The following CLDN14 variants were observed in gnomAD, a reference collection of about 807,000 sequenced individuals.
The protein encoded by CLDN14 is claudin 14, also known as claudin-14.
CLDN14 carries 2 observed loss-of-function variants against 2.1 expected under a neutral mutation model. The ratio of observed to expected loss-of-function variants is 0.96; its 90% CI spans 0.39 to 3.01. The LOEUF (loss-of-function observed/expected upper bound fraction) is 3.01. Ranked by LOEUF, CLDN14 falls within the 30% of genes most tolerant of loss-of-function variation. The pLI is 0.09. For missense variants in CLDN14, 298 were observed against 328.0 expected, an observed-to-expected ratio of 0.91 and a Z score of 0.71; for synonymous variants, 136 against 154.4, an observed-to-expected ratio of 0.88 and a Z score of 0.88.
intron 1 of CLDN14, among the ~76,000 whole-genome samples, chr21:36,548,677 G>C (rs2087541600): frequency 6.6e-6 from 1 of 152,114 alleles, no homozygotes; most frequent in Non-Finnish European, 1.5e-5. Flanking sequence ...CTCCCGCATG[G>C]TCCCCAATGG....
intron 1 of CLDN14, among the ~76,000 whole-genome samples, chr21:36,522,090 T>C (rs144525663): frequency 3.8e-3 from 572 of 152,304 alleles, no homozygotes; most frequent in Non-Finnish European, 6.3e-3. Flanking sequence ...TGGACTCCTC[T>C]TTATGAATCA....
intron 1 of CLDN14, among the ~76,000 whole-genome samples, chr21:36,557,114 T>C (rs1036083606): frequency 1.8e-4 from 27 of 152,222 alleles, no homozygotes; most frequent in Non-Finnish European, 3.7e-4. Flanking sequence ...TGTCTCATAT[T>C]GTAGAATTTC....
At chr21:36,552,424 G>A (rs1269208428) in intron 1 of CLDN14, among the ~76,000 whole-genome samples, 1 of 152,158 alleles carries the variant, frequency 6.6e-6, no homozygotes, top group Non-Finnish European at 1.5e-5. Flanking sequence ...GCACACTTAA[G>A]GACACTTAGG....
intron 1 of CLDN14, among the ~76,000 whole-genome samples, chr21:36,559,219 GA>G (rs2087618101): frequency 6.7e-6 from 1 of 149,212 alleles, no homozygotes; most frequent in Non-Finnish European, 1.5e-5. Flanking sequence ...TTTTTAGTTT[GA>G]GACTAAGTTT....
chr21:36,552,709 CA>C (rs869153305), intron 1 of CLDN14, among the ~76,000 whole-genome samples: 6 of 105,822 alleles, frequency 5.7e-5, no homozygotes, highest in Non-Finnish European at 1.3e-4. Flanking sequence ...CAAAACAAAA[CA>C]AAAAATCTTC....
chr21:36,466,988 C>T (rs1472621164), intron 1 of CLDN14, among the ~76,000 whole-genome samples: 3 of 152,124 alleles, frequency 2.0e-5, no homozygotes, highest in South Asian at 2.1e-4. Context: ...GAGTTTTGGT[C>T]GACTTCATCC....
At chr21:36,569,140 T>TG (rs2087691775) in intron 1 of CLDN14, among the ~76,000 whole-genome samples, 1 of 152,062 alleles carries the variant, frequency 6.6e-6, no homozygotes, top group Non-Finnish European at 1.5e-5. Context: ...AGTCTCGGGG[T>TG]GGGGGCGTGG....
chr21:36,567,601 C>T (rs973920573), intron 1 of CLDN14, among the ~76,000 whole-genome samples: 9 of 152,322 alleles, frequency 5.9e-5, no homozygotes, highest in Middle Eastern at 3.4e-3. Flanking sequence ...TATTACAATG[C>T]TCTTGGTGAA....
chr21:36,478,356 A>G (rs1026802927), intron 1 of CLDN14, among the ~76,000 whole-genome samples: 6 of 152,244 alleles, frequency 3.9e-5, no homozygotes, highest in African/African-American at 1.4e-4. Flanking sequence ...ATCTTGGGCA[A>G]GCTGCTCAGC....
intron 2 of CLDN14, among the ~76,000 whole-genome samples, chr21:36,493,450 T>A (rs2086988118): frequency 6.6e-6 from 1 of 152,178 alleles, no homozygotes; most frequent in Admixed American, 6.5e-5. Context: ...TGGTAAGAGA[T>A]AATCTTCAAG....
chr21:36,521,549 G>T (rs2087270787), intron 1 of CLDN14, among the ~76,000 whole-genome samples: 1 of 152,182 alleles, frequency 6.6e-6, no homozygotes, highest in Non-Finnish European at 1.5e-5. Context: ...CAACATTCCA[G>T]GAAAATCCTG....
At chr21:36,464,378 ATTTTTCTGCTGCTG>A (rs754418945) in intron 1 of CLDN14, among the ~76,000 whole-genome samples, 13 of 152,120 alleles carry the variant, frequency 8.5e-5, no homozygotes, top group Non-Finnish European at 1.6e-4. Context: ...TACACCGAGT[ATTTTTCTGCTGCTG>A]TTTTTCTGCT....
upstream of CLDN14, among the ~76,000 whole-genome samples, chr21:36,482,439 T>TGGATAGAC (rs1354318024): frequency 0.016 from 2,362 of 150,938 alleles, 68 homozygotes; most frequent in African/African-American, 0.055. Context: ...GATGGATGGA[T>TGGATAGAC]GGATGGATGG....
At chr21:36,467,472 G>A (rs1308230589) in intron 1 of CLDN14, among the ~76,000 whole-genome samples, 2 of 152,160 alleles carry the variant, frequency 1.3e-5, no homozygotes, top group Admixed American at 1.3e-4. Context: ...TAGTTCTTCA[G>A]GGTGTGTGCT....
intron 2 of CLDN14, chr21:36,487,184 C>A: frequency 5.0e-6 from 1 of 199,372 alleles, no homozygotes; most frequent in Non-Finnish European, 1.0e-5. Flanking sequence ...GGGGTTTTAC[C>A]ATGTTGGTCA....
chr21:36,531,528 G>A, intron 1 of CLDN14, among the ~76,000 whole-genome samples: 1 of 151,788 alleles, frequency 6.6e-6, no homozygotes, highest in Non-Finnish European at 1.5e-5. Context: ...GCCTCCCAGA[G>A]TACTAAGATT....
At chr21:36,546,544 T>C (rs1309104179) in intron 1 of CLDN14, among the ~76,000 whole-genome samples, 1 of 152,198 alleles carries the variant, frequency 6.6e-6, no homozygotes, top group Non-Finnish European at 1.5e-5. Flanking sequence ...TTGTTTATTT[T>C]CTAGCAACTG....
rs983331460 is a variant in CLDN14 at position 36,544,312 on chromosome 21, G to A, written c.-220+32099C>T. 2.6e-5 allele frequency among the ~76,000 whole-genome samples: 4 copies of A among 152,232 alleles called. No homozygotes were observed. Among genetic ancestry groups the A allele is most frequent in the East Asian group, 1.9e-4 (1 of 5,196 alleles). On this transcript the variant is annotated intron_variant, in intron 1 of 2. Transcript: ENST00000342108. This position sits in a 1 kb window ranked among gnomAD's most constrained non-coding sequence, Gnocchi z 4.1. ...TGGCTGAGGAGTGCCAGGGAACCAA[G>A]CCTCTCAGTACAGAAGGAGGGAGCA...
upstream of CLDN14, among the ~76,000 whole-genome samples, chr21:36,484,206 G>C (rs1336247731): frequency 6.6e-6 from 1 of 152,226 alleles, no homozygotes; most frequent in African/African-American, 2.4e-5. Context: ...GGTAGGAAGA[G>C]CATGAGGCTC....
Sources: gnomAD v4.1 joint callset for allele counts (sites outside exome capture counted in the v4.1 genomes callset) on GRCh38, gnomAD v4.1.1 for gene constraint, Gnocchi (gnomAD v3.1) non-coding constraint, MANE v1.5 for transcripts, NCBI Gene and HGNC (gene_info 2026-07-23, HGNC 2026-07-21) for gene names.